Variants in DNAH11 observed in about 807,000 individuals in gnomAD.
The protein encoded by DNAH11 is axonemal beta dynein heavy chain 11.
Under a neutral mutation model 526.0 loss-of-function variants are expected in DNAH11, and 442 were observed. The ratio of observed to expected loss-of-function variants is 0.84; its 90% CI spans 0.78 to 0.91. The LOEUF (loss-of-function observed/expected upper bound fraction) is 0.91. DNAH11 is among the 40% of genes least tolerant of loss of function. The pLI, the probability that DNAH11 is intolerant of heterozygous loss-of-function variation, is 0.00. For missense variants in DNAH11, 6,989 were observed against 5,448.7 expected, an observed-to-expected ratio of 1.28 and a Z score of -8.90; for synonymous variants, 2,461 against 1,935.9, an observed-to-expected ratio of 1.27 and a Z score of -7.12.
intron 66 of DNAH11, among the ~76,000 whole-genome samples, chr7:21,850,302 C>T (rs572929595): frequency 1.3e-5 from 2 of 149,866 alleles, no homozygotes; most frequent in Non-Finnish European, 3.0e-5. Context: ...CTTGCAGTGA[C>T]CCGAGATGGC....
At chr7:21,848,159 T>C (rs1165333671) in intron 66 of DNAH11, among the ~76,000 whole-genome samples, 1 of 115,744 alleles carries the variant, frequency 8.6e-6, no homozygotes, top group Non-Finnish European at 1.5e-5. Context: ...AGAGCGAGAC[T>C]CTGTTTCAAA....
At chr7:21,571,492 T>G (rs186166912) in intron 7 of DNAH11, among the ~76,000 whole-genome samples, 2 of 152,146 alleles carry the variant, frequency 1.3e-5, no homozygotes, top group East Asian at 3.9e-4. Flanking sequence ...GTTGCCCAGG[T>G]TGGTTTCAAA....
In DNAH11 at chr7:21,755,542, A is replaced by G. The variant is rs577462479; in HGVS notation, c.8940+5178A>G. On this transcript the variant is annotated intron_variant, in intron 54 of 81. Transcript: ENST00000409508. ...TATAGTTATCCATTTCTGATAATTT[A>G]AAAAATATGTGTTCATTGGAGAGAA... 1.4e-4 allele frequency among the ~76,000 whole-genome samples: 21 copies of G among 152,272 alleles called. No homozygotes were observed. The East Asian group carries it at 3.9e-3, about 28-fold the overall frequency.
intron 54 of DNAH11, among the ~76,000 whole-genome samples, chr7:21,755,512 A>G (rs1053985771): frequency 1.3e-5 from 2 of 152,166 alleles, no homozygotes. Context: ...CTAAGTATAT[A>G]TATATATAGT....
intron 8 of DNAH11, among the ~76,000 whole-genome samples, chr7:21,578,250 A>T (rs1478928376): frequency 6.6e-6 from 1 of 152,272 alleles, no homozygotes; most frequent in Non-Finnish European, 1.5e-5. Flanking sequence ...AGGTACACGT[A>T]TTGGGTAAAT....
chr7:21,746,863 G>A (rs112093728), intron 51 of DNAH11, among the ~76,000 whole-genome samples: 1,901 of 152,150 alleles, frequency 0.012, 21 homozygotes, highest in Middle Eastern at 0.041. Flanking sequence ...ATGCTGTCTC[G>A]GGTTGGGTTA....
intron 56 of DNAH11, among the ~76,000 whole-genome samples, chr7:21,774,329 T>C (rs527884130): frequency 6.6e-6 from 1 of 152,296 alleles, no homozygotes; most frequent in African/African-American, 2.4e-5. Context: ...CTTATCATCC[T>C]AGGATGGACC....
chr7:21,566,002 C>G (rs1221980187), intron 6 of DNAH11, among the ~76,000 whole-genome samples: 3 of 152,194 alleles, frequency 2.0e-5, no homozygotes, highest in African/African-American at 4.8e-5. Context: ...GCGCGGGTCT[C>G]TATGTAAAAC....
chr7:21,853,592 A>T (rs1187443982), intron 67 of DNAH11, among the ~76,000 whole-genome samples: 3 of 152,178 alleles, frequency 2.0e-5, no homozygotes, highest in African/African-American at 7.2e-5. Flanking sequence ...CACAAATATT[A>T]TGAGTCAACT....
At chr7:21,773,395 C>G (rs1787522598) in intron 55 of DNAH11, among the ~76,000 whole-genome samples, 1 of 148,524 alleles carries the variant, frequency 6.7e-6, no homozygotes, top group Non-Finnish European at 1.5e-5. Context: ...TTGTCTAAAG[C>G]TTAGTTTGAA....
chr7:21,623,578 A>G (rs1228850051), intron 25 of DNAH11, among the ~76,000 whole-genome samples: 2 of 152,098 alleles, frequency 1.3e-5, no homozygotes, highest in South Asian at 4.1e-4. Context: ...ATGTCCAACA[A>G]TGATAGACTG....
rs11981446 is a variant in DNAH11 at position 21,600,952 on chromosome 7, T to C, written c.3255+22T>C. ...ACAGGCAAGGAAAACCCTTAGCATTTAATGTAGTGAAATGGCTTTTCACTG... is the reference window on the plus strand; with the variant it reads ...ACAGGCAAGGAAAACCCTTAGCATTCAATGTAGTGAAATGGCTTTTCACTG... On this transcript the variant is annotated intron_variant, in intron 16 of 81. Coordinates refer to ENST00000409508, the MANE Select transcript of DNAH11 (RefSeq NM_001277115.2). 89,940 of 1,612,076 alleles carry C rather than the reference T, an allele frequency of 0.056. 4,588 individuals carry two copies. The highest frequency in any genetic ancestry group is 0.27 in the African/African-American group (20,314 of 74,746).
intron 73 of DNAH11, among the ~76,000 whole-genome samples, chr7:21,869,608 T>C (rs1215416657): frequency 6.6e-6 from 1 of 152,196 alleles, no homozygotes; most frequent in Admixed American, 6.5e-5. Flanking sequence ...TCCTCCCCGC[T>C]GCAAATGGTG....
intron 70 of DNAH11, among the ~76,000 whole-genome samples, chr7:21,865,236 T>C (rs541224247): frequency 1.3e-5 from 2 of 152,344 alleles, no homozygotes; most frequent in South Asian, 2.1e-4. Context: ...CAACATATGC[T>C]AAGCTTTGCC....
intron 4 of DNAH11, among the ~76,000 whole-genome samples, chr7:21,560,672 C>G (rs1285060357): frequency 6.6e-6 from 1 of 152,184 alleles, no homozygotes; most frequent in African/African-American, 2.4e-5. Flanking sequence ...TCTTGCTGCT[C>G]TGGCAGCTGA....
At chr7:21,859,238 C>G (rs1782965920) in intron 68 of DNAH11, among the ~76,000 whole-genome samples, 1 of 152,130 alleles carries the variant, frequency 6.6e-6, no homozygotes, top group South Asian at 2.1e-4. Flanking sequence ...CCCAGCCCCT[C>G]AAGTAACTGG....
chr7:21,736,836 A>C (rs1785633955), intron 46 of DNAH11, among the ~76,000 whole-genome samples: 2 of 152,152 alleles, frequency 1.3e-5, no homozygotes, highest in African/African-American at 4.8e-5. Context: ...AAAAAGAGCC[A>C]ATTATTTCAT....
chr7:21,715,085 G>A (rs980600845), intron 42 of DNAH11, among the ~76,000 whole-genome samples: 1 of 152,130 alleles, frequency 6.6e-6, no homozygotes, highest in Non-Finnish European at 1.5e-5. Context: ...GAAATAATTG[G>A]TATACACTGC....
rs778936667 is a variant in DNAH11 at position 21,704,596 on chromosome 7, C to T, written c.6436C>T (p.Arg2146Cys). The change falls in exon 38 of 82, where the codon CGC (arginine) becomes TGC (cysteine). Residue 2146 changes from arginine to cysteine, a missense_variant. By Grantham distance (180) the Arg-to-Cys change is radical. Transcript: ENST00000409508. ...GGTCAGGCAGTCTACCCTGGAGCTC[C>T]GCCTGCAGCCTGAAGAGAGCTTCAT... ...QMVRQSTLEL[R>C]LQPEESFILK... is the part of the protein sequence containing the mutation. 1.1e-5 allele frequency: 18 copies of T among 1,608,730 alleles called. No individual in the cohort carries two copies. Among genetic ancestry groups the T allele is most frequent in the South Asian group, 2.2e-5 (2 of 89,474 alleles).
Sources: gnomAD v4.1 joint callset for allele counts (sites outside exome capture counted in the v4.1 genomes callset) on GRCh38, gnomAD v4.1.1 for gene constraint, MANE v1.5 for transcripts, NCBI Gene and HGNC (gene_info 2026-07-23, HGNC 2026-07-21) for gene names.